The following KATNIP variants were observed in gnomAD, a reference collection of about 807,000 sequenced individuals.
KATNIP encodes katanin interacting protein.
Under a neutral mutation model 174.0 loss-of-function variants are expected in KATNIP, and 126 were observed. The observed-to-expected ratio is 0.72, with a 90% CI of 0.63 to 0.84. The LOEUF is 0.84. Ranked by LOEUF, KATNIP falls within the 40% of genes least tolerant of loss-of-function variation. The probability of loss-of-function intolerance (pLI) is 0.00; values close to 1 mark genes in which losing one functional copy is unlikely to be tolerated. For missense variants in KATNIP, 1,958 were observed against 2,109.7 expected, an observed-to-expected ratio of 0.93 and a Z score of 1.41; for synonymous variants, 810 against 835.7, an observed-to-expected ratio of 0.97 and a Z score of 0.53.
At chr16:27,629,643 G>T (rs1295681914) in intron 4 of KATNIP, among the ~76,000 whole-genome samples, 1 of 152,220 alleles carries the variant, frequency 6.6e-6, no homozygotes, top group Non-Finnish European at 1.5e-5. Flanking sequence ...TTGAATGAAT[G>T]AAACAGCAGA....
chr16:27,741,066 AG>A (rs1814578030), intron 15 of KATNIP, 146 bp downstream of exon 15: 5 of 811,024 alleles, frequency 6.2e-6, no homozygotes, highest in African/African-American at 5.2e-5. Flanking sequence ...TCACTGTCTC[AG>A]GGGCCAAAGA....
chr16:27,695,473 G>T (rs1467407752), intron 8 of KATNIP, among the ~76,000 whole-genome samples: 1 of 152,118 alleles, frequency 6.6e-6, no homozygotes, highest in Non-Finnish European at 1.5e-5. Flanking sequence ...CACTTCCCTG[G>T]TCCTCTGCGA....
At chr16:27,688,837 G>A (rs1178196238) in intron 8 of KATNIP, among the ~76,000 whole-genome samples, 2 of 152,144 alleles carry the variant, frequency 1.3e-5, no homozygotes, top group Non-Finnish European at 2.9e-5. Context: ...GCAATCCCCA[G>A]GTGAGAGAGA....
At chr16:27,635,722 G>A (rs1301258862) in intron 5 of KATNIP, among the ~76,000 whole-genome samples, 1 of 152,130 alleles carries the variant, frequency 6.6e-6, no homozygotes, top group Admixed American at 6.5e-5. Flanking sequence ...CATGGATGGC[G>A]GGCCTGGCGG....
chr16:27,564,587 T>C (rs1361769829), intron 1 of KATNIP, among the ~76,000 whole-genome samples: 2 of 152,014 alleles, frequency 1.3e-5, no homozygotes, highest in Non-Finnish European at 2.9e-5. Context: ...GGCAGTAAAC[T>C]GGGCCCCAGA....
intron 8 of KATNIP, among the ~76,000 whole-genome samples, chr16:27,694,337 T>C (rs902790682): frequency 8.5e-5 from 13 of 152,198 alleles, no homozygotes; most frequent in Non-Finnish European, 1.8e-4. Flanking sequence ...GCTAAGGTCC[T>C]GAGAATGGAA....
chr16:27,739,880 A>G (rs1273326697), intron 14 of KATNIP, among the ~76,000 whole-genome samples, 161 bp from the exon 15 acceptor site: 1 of 152,242 alleles, frequency 6.6e-6, no homozygotes, highest in African/African-American at 2.4e-5. Flanking sequence ...CACAGAAATG[A>G]GACCAAGCCT....
rs551216368 is a variant in KATNIP, at chr16:27,749,945, A to C, written c.2985A>C (p.Gly995=). 1.2e-6 allele frequency: 2 copies of C among 1,614,202 alleles called. No homozygotes were observed. Among genetic ancestry groups the C allele is most frequent in the South Asian group, 2.2e-5 (2 of 91,088 alleles). Residue 995 remains glycine, a synonymous_variant, in exon 16 of 28, where the codon GGA becomes GGC. Coordinates refer to ENST00000261588, the MANE Select transcript of KATNIP (RefSeq NM_015202.5). ...WGDRHYVGLN[G]IEIFSSKGEP... ...ACAGACACTATGTCGGCCTCAACGG[A>C]ATAGAAATATTCAGTTCCAAGGGTG...
At chr16:27,763,397 A>G (rs930171789) in intron 19 of KATNIP, among the ~76,000 whole-genome samples, 2 of 149,476 alleles carry the variant, frequency 1.3e-5, no homozygotes, top group African/African-American at 4.9e-5. Flanking sequence ...GCTTGAGCCC[A>G]GGAATTCAAG....
chr16:27,652,905 A>G (rs996366119), intron 6 of KATNIP, among the ~76,000 whole-genome samples: 3 of 152,170 alleles, frequency 2.0e-5, no homozygotes, highest in East Asian at 1.9e-4. Flanking sequence ...CTGATAATGC[A>G]TAATTGATAT....
At chr16:27,652,545 C>T (rs983491190) in intron 6 of KATNIP, among the ~76,000 whole-genome samples, 2 of 152,088 alleles carry the variant, frequency 1.3e-5, no homozygotes, top group African/African-American at 4.8e-5. Flanking sequence ...TCTTGCTGGG[C>T]GCTGTGGCTC....
chr16:27,671,086 G>A lies in KATNIP; in HGVS notation c.541-6643G>A, dbSNP rs1031018803. On this transcript the variant is annotated intron_variant, in intron 6 of 27. Coordinates refer to ENST00000261588, the MANE Select transcript of KATNIP (RefSeq NM_015202.5). ...TGTGTGCTTGTAAGCCCAGCTACTC[G>A]GGAGGCTGAGGCAGGAGAATCGCTT... 1.6e-4 allele frequency among the ~76,000 whole-genome samples: 24 copies of A among 152,168 alleles called. No individual in the cohort carries two copies. The Middle Eastern group carries it at 0.01, about 65-fold the overall frequency.
At chr16:27,654,244 A>G (rs373119326) in intron 6 of KATNIP, among the ~76,000 whole-genome samples, 3 of 152,180 alleles carry the variant, frequency 2.0e-5, no homozygotes, top group Admixed American at 6.6e-5. Context: ...CCAAAGTGCT[A>G]GGATTACAGA....
chr16:27,771,557 T>G lies in KATNIP; in HGVS notation c.4134-31T>G, dbSNP rs750021691. On this transcript the variant is annotated intron_variant, in intron 21 of 27. Coordinates refer to ENST00000261588, the MANE Select transcript of KATNIP (RefSeq NM_015202.5). ...CTGGTGATTCTGGGCCGTCGTGAGC[T>G]TCTTCATGGTGCTGTTTTGTGCTTT... 5.6e-6 allele frequency: 9 copies of G among 1,605,978 alleles called. No individual in the cohort carries two copies. The African/African-American group carries it at 1.1e-4, about 19-fold the overall frequency.
chr16:27,564,381 C>G (rs1011527161), intron 1 of KATNIP, among the ~76,000 whole-genome samples: 2 of 152,088 alleles, frequency 1.3e-5, no homozygotes, highest in Non-Finnish European at 2.9e-5. Context: ...CCCTCTCAGC[C>G]GCCACACAGC....
At chr16:27,602,076 G>C (rs2075545135) in intron 2 of KATNIP, among the ~76,000 whole-genome samples, 1 of 152,184 alleles carries the variant, frequency 6.6e-6, no homozygotes. Context: ...AACAGCACCA[G>C]CCTGAGAGGG....
intron 12 of KATNIP, among the ~76,000 whole-genome samples, chr16:27,707,340 C>T (rs145063179): frequency 2.9e-4 from 44 of 152,296 alleles, no homozygotes; most frequent in Middle Eastern, 6.8e-3. Flanking sequence ...CCATTCCGAA[C>T]GGTGGCCATT....
intron 7 of KATNIP, 134 bp downstream of exon 7, chr16:27,678,130 G>T (rs542022840): frequency 1.0e-6 from 1 of 991,928 alleles, no homozygotes; most frequent in South Asian, 1.7e-5. Flanking sequence ...ATATCAGTCA[G>T]GTCTCTGTTG....
intron 5 of KATNIP, among the ~76,000 whole-genome samples, chr16:27,640,233 T>C (rs553194138): frequency 1.3e-5 from 2 of 152,374 alleles, no homozygotes; most frequent in Admixed American, 6.5e-5. Context: ...TGCAAGGGTC[T>C]ACCCAGGTCT....
Sources: gnomAD v4.1 joint callset for allele counts (sites outside exome capture counted in the v4.1 genomes callset) on GRCh38, gnomAD v4.1.1 for gene constraint, MANE v1.5 for transcripts, NCBI Gene and HGNC (gene_info 2026-07-23, HGNC 2026-07-21) for gene names.